Variants in CABLES1 observed in about 807,000 individuals in gnomAD.
The protein encoded by CABLES1 is CDK5 and ABL1 enzyme substrate 1.
In CABLES1, 36 loss-of-function variants were observed where a neutral mutation model predicts 57.8. The observed-to-expected ratio is 0.62, with a 90% CI of 0.48 to 0.82. The LOEUF (loss-of-function observed/expected upper bound fraction) is 0.82. Among genes scored for constraint, CABLES1 ranks in the 40% least tolerant of loss-of-function variants. The probability of loss-of-function intolerance (pLI) is 0.00; values close to 1 mark genes in which losing one functional copy is unlikely to be tolerated. For missense variants in CABLES1, 767 were observed against 836.6 expected (o/e 0.92, Z 1.03); for synonymous variants, 374 against 363.0 (o/e 1.03, Z -0.35).
At position 23,167,274 on chromosome 18, in the gene CABLES1, C is replaced by T. The variant is rs112679825; in HGVS notation, c.846-21564C>T. ...TTGGGAGACTTCCTGGATTTTTCCTCATGTGGCTGGAGGAACTCGGCCCCT... is the reference window on the plus strand; with the variant it reads ...TTGGGAGACTTCCTGGATTTTTCCTTATGTGGCTGGAGGAACTCGGCCCCT... On this transcript the variant is annotated intron_variant, in intron 1 of 9. Coordinates refer to ENST00000256925, the MANE Select transcript of CABLES1 (RefSeq NM_001100619.3). 1.7e-3 allele frequency among the ~76,000 whole-genome samples: 255 copies of T among 152,224 alleles called. 4 individuals are homozygous for T. Among genetic ancestry groups the T allele is most frequent in the African/African-American group, 5.8e-3 (242 of 41,526 alleles).
At chr18:23,145,975 G>C (rs2046889516) in intron 1 of CABLES1, among the ~76,000 whole-genome samples, 1 of 152,170 alleles carries the variant, frequency 6.6e-6, no homozygotes. Context: ...CTTGTCCCTG[G>C]TTTAAAGCAC....
chr18:23,171,132 A>T (rs2047079526), intron 1 of CABLES1, among the ~76,000 whole-genome samples: 1 of 152,140 alleles, frequency 6.6e-6, no homozygotes, highest in Non-Finnish European at 1.5e-5. Context: ...TTGGGGAGGG[A>T]GTGCTAATGG....
Position 23,203,335 on chromosome 18 carries a change from C to T in CABLES1, c.1010+8795C>T, listed in dbSNP as rs541391134. Among the ~76,000 whole-genome samples, 3 of 151,924 alleles carry T rather than the reference C, an allele frequency of 2.0e-5. No individual in the cohort carries two copies. The East Asian group carries it at 5.8e-4, about 29-fold the overall frequency. On this transcript the variant is annotated intron_variant, in intron 3 of 9. Transcript: ENST00000256925. ...TAGAGAAATGTCCTCAGCAGTAAGTCGACTGAGCTATCTCCTCCCTTGGGA... is the reference window on the plus strand; with the variant it reads ...TAGAGAAATGTCCTCAGCAGTAAGTTGACTGAGCTATCTCCTCCCTTGGGA...
At chr18:23,138,707 CT>C (rs1167813102) in intron 1 of CABLES1, among the ~76,000 whole-genome samples, 1 of 152,200 alleles carries the variant, frequency 6.6e-6, no homozygotes, top group Non-Finnish European at 1.5e-5. Flanking sequence ...CCGAGGCCAG[CT>C]TTTCTGGTTT....
Position 23,253,837 on chromosome 18 carries a change from CAACA to C in CABLES1, c.1667_1670del (p.Lys556ArgfsTer13). 6.2e-7 allele frequency: 1 copy of C among 1,614,244 alleles called. No homozygotes were observed. The highest frequency in any genetic ancestry group is 1.7e-5 in the Admixed American group (1 of 60,034). On this transcript the variant is annotated frameshift_variant, in exon 9 of 10. Coordinates refer to ENST00000256925, the MANE Select transcript of CABLES1 (RefSeq NM_001100619.3). LOFTEE classifies it high-confidence loss of function. ...AAAAGCTCGCCCTCAAGGGGAAACT[CAACA>C]AACAGAACCGGAAGCTGTGTGCTGG...
At chr18:23,154,321 G>A (rs1028307462) in intron 1 of CABLES1, among the ~76,000 whole-genome samples, 1 of 152,122 alleles carries the variant, frequency 6.6e-6, no homozygotes, top group African/African-American at 2.4e-5. Flanking sequence ...TAAGGCTGAG[G>A]TGCAGTCTCC....
chr18:23,256,396 A>G (rs2048166368), intron 9 of CABLES1, among the ~76,000 whole-genome samples: 1 of 152,248 alleles, frequency 6.6e-6, no homozygotes, highest in African/African-American at 2.4e-5. Context: ...TCCTTGTAAG[A>G]TGAAAGGACT....
Position 23,206,424 on chromosome 18 carries a change from A to G in CABLES1, c.1011-7553A>G, listed in dbSNP as rs181544964. ...AGTAAATGCCAAAGGAAATACCCAC[A>G]GAAATCTCCTACACAGCTTAGATGT... On this transcript the variant is annotated intron_variant, in intron 3 of 9. Coordinates refer to ENST00000256925, the MANE Select transcript of CABLES1 (RefSeq NM_001100619.3). Among the ~76,000 whole-genome samples the G allele has an allele frequency of 1.5e-3, 221 of 152,362 alleles. 3 individuals carry two copies. Among genetic ancestry groups the G allele is most frequent in the Admixed American group, 3.7e-3 (56 of 15,306 alleles).
At chr18:23,238,066 G>C (rs1026424382) in intron 7 of CABLES1, among the ~76,000 whole-genome samples, 1 of 152,258 alleles carries the variant, frequency 6.6e-6, no homozygotes, top group Non-Finnish European at 1.5e-5. Flanking sequence ...AGCCGGGCCT[G>C]GCGGGGCCGG....
At chr18:23,170,563 C>T (rs1198350510) in intron 1 of CABLES1, among the ~76,000 whole-genome samples, 1 of 152,166 alleles carries the variant, frequency 6.6e-6, no homozygotes, top group African/African-American at 2.4e-5. Context: ...TAGCAGAAGC[C>T]AGACTGCTGG....
chr18:23,196,819 A>C (rs2047286603), intron 3 of CABLES1: 1 of 150,090 alleles, frequency 6.7e-6, no homozygotes, highest in South Asian at 2.1e-4. Context: ...GCGCAGCCTC[A>C]GTCACATCTG....
intron 4 of CABLES1, among the ~76,000 whole-genome samples, chr18:23,222,324 C>A (rs4800459): frequency 0.055 from 8,395 of 152,068 alleles, 659 homozygotes; most frequent in Admixed American, 0.23. Context: ...GAGCCCCTTC[C>A]TGTCTCAGGG....
intron 4 of CABLES1, among the ~76,000 whole-genome samples, chr18:23,232,502 A>C (rs1260878102): frequency 1.3e-5 from 2 of 152,224 alleles, no homozygotes; most frequent in African/African-American, 4.8e-5. Context: ...TCCCTATGCC[A>C]GTGCCCCTGT....
chr18:23,216,830 G>C (rs1174750146), intron 4 of CABLES1, among the ~76,000 whole-genome samples: 4 of 152,170 alleles, frequency 2.6e-5, no homozygotes, highest in African/African-American at 9.7e-5. Context: ...GTTGGTGCTA[G>C]GAAACAGTGT....
chr18:23,147,447 G>T (rs895221284), intron 1 of CABLES1, among the ~76,000 whole-genome samples: 1 of 152,224 alleles, frequency 6.6e-6, no homozygotes, highest in Non-Finnish European at 1.5e-5. Context: ...ACCTAGCAAA[G>T]GTTTGGCCCT....
chr18:23,135,789 C>G lies in CABLES1; in HGVS notation c.27C>G (p.Thr9=), dbSNP rs995342705. 4.1e-6 allele frequency: 4 copies of G among 979,804 alleles called. No homozygotes were observed. The highest frequency in any genetic ancestry group is 4.8e-6 in the Non-Finnish European group (4 of 825,780). 60.7% of individuals were successfully genotyped at this position (979,804 alleles called of 1,614,324 possible). The change falls in exon 1 of 10, where the codon ACC becomes ACG. Residue 9 remains threonine (T), a synonymous_variant. Transcript: ENST00000256925. ...TGGCGGCGGCGGCGGCGGCCGCCAC[C>G]ACGGCCGCCTGCAGCAGCGGCAGCG... is the stretch of plus-strand genomic sequence containing the variant. MAAAAAAA[T]TAACSSGSAG... is the part of the protein sequence containing the mutation.
At chr18:23,169,086 G>A (rs970842759) in intron 1 of CABLES1, among the ~76,000 whole-genome samples, 1 of 152,164 alleles carries the variant, frequency 6.6e-6, no homozygotes, top group African/African-American at 2.4e-5. Flanking sequence ...ATGGCCACTA[G>A]AGTGACCTCT....
At chr18:23,229,775 C>T (rs914769579) in intron 4 of CABLES1, among the ~76,000 whole-genome samples, 13 of 152,224 alleles carry the variant, frequency 8.5e-5, no homozygotes, top group South Asian at 2.1e-4. Flanking sequence ...GCAACTCCAA[C>T]GTTCTAGGCT....
intron 7 of CABLES1, among the ~76,000 whole-genome samples, chr18:23,250,573 G>T (rs578083965): frequency 1.3e-5 from 2 of 152,198 alleles, no homozygotes; most frequent in African/African-American, 4.8e-5. Flanking sequence ...AAATAAACCT[G>T]TCTTGGAGGG....
Sources: allele counts gnomAD v4.1 joint callset (sites outside exome capture counted in the v4.1 genomes callset), GRCh38; gene constraint gnomAD v4.1.1; transcripts MANE v1.5; gene names NCBI Gene and HGNC (gene_info 2026-07-23, HGNC 2026-07-21).